TMIGD3: variants seen among roughly 807,000 people sequenced by gnomAD.
TMIGD3 encodes AD026 protein (AD026).
TMIGD3 carries 21 observed loss-of-function variants against 28.1 expected under a neutral mutation model. The observed-to-expected ratio is 0.75, with a 90% CI of 0.53 to 1.08. The LOEUF is 1.08. Ranked by LOEUF, TMIGD3 falls within the 50% of genes least tolerant of loss-of-function variation. TMIGD3 has a pLI of 0.00. For synonymous variants in TMIGD3, 151 were observed against 162.1 expected (o/e 0.93, Z 0.52); for missense variants, 416 against 435.6 (o/e 0.96, Z 0.40).
intron 1 of TMIGD3, among the ~76,000 whole-genome samples, chr1:111,519,439 G>A (rs536434389): frequency 6.6e-6 from 1 of 152,278 alleles, no homozygotes; most frequent in East Asian, 1.9e-4. Flanking sequence ...TCAAACTTCT[G>A]CCTGAGTTTC....
At chr1:111,557,224 TAA>T (rs1377905082) in intron 1 of TMIGD3, among the ~76,000 whole-genome samples, 1 of 151,944 alleles carries the variant, frequency 6.6e-6, no homozygotes, top group African/African-American at 2.4e-5. Context: ...AAATGAAAAA[TAA>T]GTTTACCTAA....
At chr1:111,543,858 T>C (rs1177929649) in intron 1 of TMIGD3, among the ~76,000 whole-genome samples, 1 of 152,196 alleles carries the variant, frequency 6.6e-6, no homozygotes, top group Non-Finnish European at 1.5e-5. Flanking sequence ...TAAGGGTTTA[T>C]TTTAAAGGAT....
intron 1 of TMIGD3, among the ~76,000 whole-genome samples, chr1:111,556,189 A>G (rs1405010079): frequency 6.6e-6 from 1 of 152,206 alleles, no homozygotes; most frequent in Non-Finnish European, 1.5e-5. Flanking sequence ...ACTAATTATT[A>G]GGGAAATGCA....
intron 1 of TMIGD3, among the ~76,000 whole-genome samples, chr1:111,534,377 T>C (rs1427933944): frequency 2.0e-5 from 3 of 152,042 alleles, no homozygotes; most frequent in African/African-American, 7.2e-5. Flanking sequence ...GCATCCTGGG[T>C]TGTAGGAATG....
At chr1:111,550,072 GA>G (rs1263881396) in intron 1 of TMIGD3, among the ~76,000 whole-genome samples, 1 of 152,152 alleles carries the variant, frequency 6.6e-6, no homozygotes, top group Non-Finnish European at 1.5e-5. Flanking sequence ...TGTGTTTTTA[GA>G]AATTTGTCCA....
At chr1:111,502,049 A>ATATAATATATATAGGATATATATAT (rs1655208448) in intron 1 of TMIGD3, among the ~76,000 whole-genome samples, 2 of 92,124 alleles carry the variant, frequency 2.2e-5, no homozygotes, top group South Asian at 3.0e-4. Context: ...TATATATTTA[A>ATATAATATATATAGGATATATATAT]TATAATAAAT....
intron 1 of TMIGD3, among the ~76,000 whole-genome samples, chr1:111,546,217 A>G (rs1216411497): frequency 3.3e-5 from 5 of 152,170 alleles, no homozygotes. Flanking sequence ...TTTAGAAAGT[A>G]CTGCCATCAT....
rs1406155092 is a variant in TMIGD3, at chr1:111,488,951, A to G, written c.531T>C (p.Asn177=). 1.2e-5 allele frequency: 19 copies of G among 1,614,160 alleles called. No individual in the cohort carries two copies. The highest frequency in any genetic ancestry group is 1.5e-5 in the Non-Finnish European group (18 of 1,180,034). ...ATTTGGGGTGATTCTTGTAGTGGGC[A>G]TTGTAGTTGCAGATGGCAGAAGCCG... is the stretch of plus-strand genomic sequence containing the variant. ...LDTASAICNY[N]AHYKNHPKYW... Residue 177 remains asparagine (N), a synonymous_variant, in exon 3 of 6, where the codon AAT becomes AAC. Transcript: ENST00000369716.
rs574298378 is a variant in TMIGD3 at position 111,485,914 on chromosome 1, T to C, written c.873-74A>G. ...TTGATTCTCAGCTCTGGATCCCTTT[T>C]TCTGGGATTTGCACCCCTGCCCACC... On this transcript the variant is annotated intron_variant, in intron 4 of 5. Coordinates refer to ENST00000369716, the MANE Select transcript of TMIGD3 (RefSeq NM_020683.7). 3.5e-4 allele frequency: 436 copies of C among 1,238,532 alleles called. 1 individual carries two copies. The African/African-American group carries it at 5.9e-3, about 17-fold the overall frequency. The allele number at this position is 1,238,532 out of a possible 1,614,324, so 76.7% of individuals were successfully genotyped here.
intron 1 of TMIGD3, among the ~76,000 whole-genome samples, chr1:111,551,849 T>A (rs1203341821): frequency 1.3e-5 from 2 of 152,062 alleles, no homozygotes; most frequent in African/African-American, 2.4e-5. Flanking sequence ...CGGTTTACAG[T>A]TCGGCCTTGG....
At chr1:111,508,919 A>G (rs1655601799) in intron 1 of TMIGD3, among the ~76,000 whole-genome samples, 1 of 152,152 alleles carries the variant, frequency 6.6e-6, no homozygotes, top group Non-Finnish European at 1.5e-5. Context: ...ACGTGGTGAA[A>G]CCCCGTCTCG....
intron 1 of TMIGD3, among the ~76,000 whole-genome samples, chr1:111,514,489 G>A (rs748034563): frequency 2.0e-5 from 3 of 152,022 alleles, no homozygotes; most frequent in Admixed American, 6.5e-5. Flanking sequence ...GGGAGGTTGA[G>A]GCTGCAGTAA....
At chr1:111,538,043 A>G (rs1193517710) in intron 1 of TMIGD3, among the ~76,000 whole-genome samples, 3 of 152,162 alleles carry the variant, frequency 2.0e-5, no homozygotes, top group Non-Finnish European at 4.4e-5. Context: ...GTTAACTCAT[A>G]TGGCATTTTC....
intron 1 of TMIGD3, among the ~76,000 whole-genome samples, chr1:111,549,918 G>A (rs181245798): frequency 2.7e-3 from 409 of 152,284 alleles, no homozygotes; most frequent in Middle Eastern, 0.01. Context: ...CTACCAAAGT[G>A]CTGGAATTAC....
chr1:111,544,204 A>G (rs1057434673), intron 1 of TMIGD3, among the ~76,000 whole-genome samples: 1 of 152,174 alleles, frequency 6.6e-6, no homozygotes, highest in African/African-American at 2.4e-5. Context: ...CTCATCTTTG[A>G]TTTATCCCTT....
intron 1 of TMIGD3, chr1:111,542,188 G>A (rs1341553638): frequency 4.9e-5 from 25 of 507,784 alleles, no homozygotes; most frequent in Non-Finnish European, 9.4e-5. Flanking sequence ...TTTGAAGGAA[G>A]ATCGTTTAGA....
intron 1 of TMIGD3, among the ~76,000 whole-genome samples, chr1:111,520,624 A>G (rs1656026574): frequency 6.6e-6 from 1 of 152,236 alleles, no homozygotes. Context: ...TTTCAAATAT[A>G]TCTGAAAACA....
At chr1:111,490,375 C>T (rs2100961665) in intron 2 of TMIGD3, 4 of 358,912 alleles carry the variant, frequency 1.1e-5, no homozygotes, top group East Asian at 9.5e-5. Context: ...CCATGCTAAT[C>T]TACTCTGTAT....
At chr1:111,538,471 T>C (rs1430421816) in intron 1 of TMIGD3, among the ~76,000 whole-genome samples, 1 of 152,196 alleles carries the variant, frequency 6.6e-6, no homozygotes. Context: ...GATGTCTCTC[T>C]TTTGTTGTGG....
Sources: allele counts gnomAD v4.1 joint callset (sites outside exome capture counted in the v4.1 genomes callset), GRCh38; gene constraint gnomAD v4.1.1; transcripts MANE v1.5; gene names NCBI Gene and HGNC (gene_info 2026-07-23, HGNC 2026-07-21).